Variants in GRHL2 observed in about 807,000 individuals in gnomAD.
GRHL2 encodes grainyhead like transcription factor 2.
Under a neutral mutation model 83.8 loss-of-function variants are expected in GRHL2, and 21 were observed. That is an observed-to-expected ratio of 0.25 (90% CI 0.18 to 0.36). GRHL2 has a LOEUF of 0.36. Ranked by LOEUF, GRHL2 falls within the 10% of genes least tolerant of loss-of-function variation. GRHL2 has a pLI of 1.00. For synonymous variants in GRHL2, 280 were observed against 278.9 expected (o/e 1.00, Z -0.04); for missense variants, 623 against 781.8 (o/e 0.80, Z 2.42).
intron 6 of GRHL2, among the ~76,000 whole-genome samples, chr8:101,576,353 T>G (rs1267733418): frequency 2.0e-5 from 3 of 150,216 alleles, no homozygotes; most frequent in Non-Finnish European, 4.4e-5. Flanking sequence ...TAGCTGGGAC[T>G]TCAGACGTGC....
At chr8:101,664,397 T>G (rs898551711) in intron 14 of GRHL2, 57 bp from the exon 15 acceptor site, 1 of 1,276,604 alleles carries the variant, frequency 7.8e-7, no homozygotes, top group Non-Finnish European at 1.1e-6. Context: ...CTTTCCCCCT[T>G]GCCTCCAGTT....
rs144174430 is a variant in GRHL2 at position 101,609,328 on chromosome 8, A to T, written c.1098+10177A>T. Among the ~76,000 whole-genome samples, 1,140 of 130,340 alleles carry T rather than the reference A, an allele frequency of 8.7e-3. 81 individuals carry two copies. The highest frequency in any genetic ancestry group is 0.038 in the African/African-American group (1,075 of 28,592). The allele number at this position is 130,340 out of a possible 152,430, so 85.5% of individuals were successfully genotyped here. ...AGCAGCATCAGTGCTGACTTCGTAG[A>T]TTGTTAGAAACACAAATACTTGTCT... On this transcript the variant is annotated intron_variant, in intron 8 of 15. Coordinates refer to ENST00000646743, the MANE Select transcript of GRHL2 (RefSeq NM_024915.4).
At position 101,590,449 on chromosome 8, in the gene GRHL2, G is replaced by A. The variant is rs549928476; in HGVS notation, c.1004-8608G>A. Among the ~76,000 whole-genome samples the A allele has an allele frequency of 3.3e-5, 5 of 152,318 alleles. No homozygotes were observed. The South Asian group carries it at 1.0e-3, about 32-fold the overall frequency. Reference sequence around the variant, plus strand: ...CCGATCCTATTTGGCACTGCAGACAGGGAGAAGTGGATGTTTGAGGACAGA... The same window carrying A: ...CCGATCCTATTTGGCACTGCAGACAAGGAGAAGTGGATGTTTGAGGACAGA... On this transcript the variant is annotated intron_variant, in intron 7 of 15. Coordinates refer to ENST00000646743, the MANE Select transcript of GRHL2 (RefSeq NM_024915.4).
intron 14 of GRHL2, among the ~76,000 whole-genome samples, chr8:101,651,010 A>G (rs756670256): frequency 7.9e-5 from 12 of 152,190 alleles, no homozygotes; most frequent in Admixed American, 3.9e-4. Context: ...TTTCCATAGT[A>G]TGGAGTTTGT....
chr8:101,578,142 C>G (rs1044759140), intron 7 of GRHL2, among the ~76,000 whole-genome samples: 5 of 152,154 alleles, frequency 3.3e-5, no homozygotes, highest in African/African-American at 1.2e-4. Flanking sequence ...ACACTCATGC[C>G]CAATAATTCA....
At chr8:101,492,937 C>T (rs531308342) in intron 1 of GRHL2, 148 bp downstream of exon 1, 2 of 749,840 alleles carry the variant, frequency 2.7e-6, no homozygotes, top group Non-Finnish European at 4.8e-6. Flanking sequence ...GACTTTTCCG[C>T]ATTATGTTTC....
intron 7 of GRHL2, among the ~76,000 whole-genome samples, chr8:101,583,606 T>G (rs11774835): frequency 0.55 from 84,074 of 152,016 alleles, 24,681 homozygotes; most frequent in Non-Finnish European, 0.65. Context: ...TTCCCAGGAC[T>G]TATTTGCACA....
intron 1 of GRHL2, among the ~76,000 whole-genome samples, chr8:101,524,140 A>G (rs1253521410): frequency 6.6e-6 from 1 of 152,180 alleles, no homozygotes; most frequent in African/African-American, 2.4e-5. Flanking sequence ...ATTTTTCCAG[A>G]AATGTTCCCA....
At chr8:101,497,724 C>T (rs946544575) in intron 1 of GRHL2, among the ~76,000 whole-genome samples, 3 of 152,186 alleles carry the variant, frequency 2.0e-5, no homozygotes, top group African/African-American at 7.2e-5. Flanking sequence ...TAGGGCAACA[C>T]TGCTTCAAAT....
intron 5 of GRHL2, among the ~76,000 whole-genome samples, chr8:101,570,696 T>C (rs1418145698): frequency 1.3e-5 from 2 of 152,142 alleles, no homozygotes; most frequent in East Asian, 3.9e-4. Flanking sequence ...TGAAGCCCCA[T>C]CTTTTTTCTT....
rs193128408 is a variant in GRHL2 at position 101,529,372 on chromosome 8, G to A, written c.21-13869G>A. ...CGCTTGAACCCGGGAGGCGGAGGTT[G>A]TGGTGAGCCAAGATTGAACCACTGC... is the stretch of plus-strand genomic sequence containing the variant. On this transcript the variant is annotated intron_variant, in intron 1 of 15. Transcript: ENST00000646743. 31 of 167,368 alleles carry A rather than the reference G, an allele frequency of 1.9e-4. 1 individual carries two copies. Among genetic ancestry groups the A allele is most frequent in the Non-Finnish European group, 3.0e-4 (24 of 79,776 alleles). 10.4% of individuals were successfully genotyped at this position (167,368 alleles called of 1,614,324 possible).
In GRHL2 at chr8:101,588,695, T is replaced by C. The variant is rs544764092; in HGVS notation, c.1004-10362T>C. Among the ~76,000 whole-genome samples, 15 of 152,382 alleles carry C rather than the reference T, an allele frequency of 9.8e-5. 1 individual carries two copies. The South Asian group carries it at 2.9e-3, about 29-fold the overall frequency. On this transcript the variant is annotated intron_variant, in intron 7 of 15. Transcript: ENST00000646743. ...CCACTTGAAGATTTATAGTCTTTCTTCTGCACTGCCAATTACCAAAAAGTT... is the reference window on the plus strand; with the variant it reads ...CCACTTGAAGATTTATAGTCTTTCTCCTGCACTGCCAATTACCAAAAAGTT...
chr8:101,551,573 T>C (rs1281070338), intron 2 of GRHL2, among the ~76,000 whole-genome samples: 5 of 151,778 alleles, frequency 3.3e-5, no homozygotes, highest in Admixed American at 6.6e-5. Context: ...GGCTGCTTTT[T>C]GGGTGCAAAG....
rs1378322642 is a variant in GRHL2, at chr8:101,667,505, G to A, written c.*802G>A. ...GGGCTAGGTAGAGGGCCTTTGGGATGTTAAGGTGACTGCAGCTGATGCCAA... is the reference window on the plus strand; with the variant it reads ...GGGCTAGGTAGAGGGCCTTTGGGATATTAAGGTGACTGCAGCTGATGCCAA... On this transcript the variant is annotated 3_prime_UTR_variant, in exon 16 of 16. Coordinates refer to ENST00000646743, the MANE Select transcript of GRHL2 (RefSeq NM_024915.4). 6.5e-6 allele frequency: 1 copy of A among 152,722 alleles called. No homozygotes were observed. The highest frequency in any genetic ancestry group is 1.5e-5 in the Non-Finnish European group (1 of 68,170). The allele number at this position is 152,722 out of a possible 1,614,324, so 9.5% of individuals were successfully genotyped here. A position where few individuals can be genotyped will look rare whatever the true frequency, so the allele number is the denominator to read the frequency against.
At chr8:101,676,545 C>A in the GRHL2 span, among the ~76,000 whole-genome samples, 2,228 of 152,020 alleles carry the variant, frequency 0.015, 59 homozygotes, top group African/African-American at 0.05. Context: ...GGCGATCATT[C>A]AAAAGTCAGG....
At chr8:101,579,134 A>C (rs912864438) in intron 7 of GRHL2, among the ~76,000 whole-genome samples, 3 of 152,242 alleles carry the variant, frequency 2.0e-5, no homozygotes, top group Non-Finnish European at 2.9e-5. Context: ...GATTGGGGAT[A>C]CTTGCCTTAA....
intron 8 of GRHL2, among the ~76,000 whole-genome samples, chr8:101,611,218 C>T (rs934510998): frequency 2.0e-5 from 3 of 151,156 alleles, no homozygotes; most frequent in South Asian, 2.1e-4. Context: ...CCTATGTGCA[C>T]GAATGGGTAA....
intron 8 of GRHL2, among the ~76,000 whole-genome samples, chr8:101,602,166 AT>A (rs969384888): frequency 6.5e-4 from 99 of 152,214 alleles, no homozygotes; most frequent in African/African-American, 2.2e-3. Flanking sequence ...GGCTGAGAGG[AT>A]TTTTTTTGTC....
At chr8:101,649,391 G>A in intron 13 of GRHL2, 23 bp from the exon 14 acceptor site, 4 of 1,594,638 alleles carry the variant, frequency 2.5e-6, no homozygotes, top group Non-Finnish European at 3.4e-6. Flanking sequence ...CGGTCACGTG[G>A]CTCTCTTGCC....
Sources: gnomAD v4.1 joint callset for allele counts (sites outside exome capture counted in the v4.1 genomes callset) on GRCh38, gnomAD v4.1.1 for gene constraint, MANE v1.5 for transcripts, NCBI Gene and HGNC (gene_info 2026-07-23, HGNC 2026-07-21) for gene names.